SEMA3A: variants seen among roughly 807,000 people sequenced by gnomAD.
SEMA3A encodes semaphorin-3A.
In SEMA3A, 29 loss-of-function variants were observed where a neutral mutation model predicts 97.9. That is an observed-to-expected ratio of 0.30 (90% CI 0.22 to 0.40). SEMA3A has a LOEUF of 0.40. Ranked by LOEUF, SEMA3A falls within the 10% of genes least tolerant of loss-of-function variation. The probability of loss-of-function intolerance (pLI) is 1.00; values close to 1 mark genes in which losing one functional copy is unlikely to be tolerated. For missense variants in SEMA3A, 763 were observed against 951.3 expected (o/e 0.80, Z 2.60); for synonymous variants, 321 against 323.7 (o/e 0.99, Z 0.09).
Position 83,957,401 on chromosome 7 carries a change from T to G in SEMA3A, c.*3970A>C, listed in dbSNP as rs558457836. ...TATCAGTGGAATTTACTTGAACGTG[T>G]AGGAAGCTGGTTCTAAAAGGCAAAG... On this transcript the variant is annotated 3_prime_UTR_variant, in exon 17 of 17. Transcript: ENST00000265362. The G allele has an allele frequency of 1.3e-5, 2 of 152,250 alleles. No individual in the cohort carries two copies. Among genetic ancestry groups the G allele is most frequent in the Admixed American group, 1.3e-4 (2 of 15,284 alleles). 9.4% of individuals were successfully genotyped at this position (152,250 alleles called of 1,614,324 possible). A position where few individuals can be genotyped will look rare whatever the true frequency, so the allele number is the denominator to read the frequency against.
At chr7:84,148,973 G>A (rs549716522) in intron 1 of SEMA3A, among the ~76,000 whole-genome samples, 2 of 152,256 alleles carry the variant, frequency 1.3e-5, no homozygotes, top group Non-Finnish European at 2.9e-5. Context: ...ACAGAAGGCT[G>A]TTAGTAGTTA....
intron 3 of SEMA3A, among the ~76,000 whole-genome samples, chr7:84,257,462 T>C (rs980775550): frequency 3.3e-5 from 5 of 152,260 alleles, no homozygotes; most frequent in Non-Finnish European, 1.5e-5. Context: ...TAATTTTCTT[T>C]GGTATATATT....
chr7:84,429,064 A>C (rs1045175421), intron 1 of SEMA3A, among the ~76,000 whole-genome samples: 6 of 152,052 alleles, frequency 3.9e-5, no homozygotes, highest in Non-Finnish European at 8.8e-5. Context: ...TCCAACACAA[A>C]AGGAAGTCAT....
chr7:84,449,654 T>C (rs1326847334), intron 1 of SEMA3A, among the ~76,000 whole-genome samples: 1 of 152,142 alleles, frequency 6.6e-6, no homozygotes, highest in Non-Finnish European at 1.5e-5. Flanking sequence ...GACAATAATA[T>C]ACTCAAATAT....
At chr7:83,995,091 C>A (rs529564894) in intron 12 of SEMA3A, among the ~76,000 whole-genome samples, 1 of 152,132 alleles carries the variant, frequency 6.6e-6, no homozygotes, top group Admixed American at 6.5e-5. Flanking sequence ...AGGTGCCATC[C>A]GTCACCCCTT....
At chr7:84,152,878 C>T (rs1207046583) in intron 1 of SEMA3A, among the ~76,000 whole-genome samples, 2 of 151,540 alleles carry the variant, frequency 1.3e-5, no homozygotes, top group South Asian at 2.1e-4. Context: ...TGCATTTAAA[C>T]GTAAAAAAGT....
chr7:83,979,634 A>G (rs1789311332), intron 14 of SEMA3A, among the ~76,000 whole-genome samples: 1 of 152,212 alleles, frequency 6.6e-6, no homozygotes, highest in African/African-American at 2.4e-5. Context: ...GACAAAATGA[A>G]TGGTTATATA....
intron 3 of SEMA3A, among the ~76,000 whole-genome samples, chr7:84,297,267 G>A (rs543153333): frequency 7.9e-5 from 12 of 152,218 alleles, no homozygotes; most frequent in African/African-American, 1.7e-4. Flanking sequence ...GTGAGCCACC[G>A]TGCCCAGCCG....
At chr7:84,092,950 CA>C (rs554576113) in intron 4 of SEMA3A, among the ~76,000 whole-genome samples, 8 of 149,460 alleles carry the variant, frequency 5.4e-5, no homozygotes, top group African/African-American at 9.9e-5. Context: ...TAATACCAAC[CA>C]AAAAAAAATC....
At chr7:84,478,490 TA>T (rs1436605432) in intron 1 of SEMA3A, among the ~76,000 whole-genome samples, 1 of 152,146 alleles carries the variant, frequency 6.6e-6, no homozygotes, top group Admixed American at 6.6e-5. Flanking sequence ...AAAACCATGA[TA>T]TAAAAAATAC....
intron 1 of SEMA3A, among the ~76,000 whole-genome samples, chr7:84,467,519 TC>T (rs1305394334): frequency 4.1e-5 from 4 of 98,044 alleles, no homozygotes; most frequent in African/African-American, 1.9e-4. Context: ...AGAGCGAGAC[TC>T]CTTCTAAAAA....
In SEMA3A at chr7:84,166,334, G is replaced by A. The variant is rs532442277; in HGVS notation, c.112+28141C>T. On this transcript the variant is annotated intron_variant, in intron 1 of 16. Coordinates refer to ENST00000265362, the MANE Select transcript of SEMA3A (RefSeq NM_006080.3). ...CACACCTGTAATCCCAGCACTTTGG[G>A]AGGCTGAGGCAGGCAGATCAGGAGG... Among the ~76,000 whole-genome samples the A allele has an allele frequency of 9.9e-5, 15 of 151,608 alleles. No homozygotes were observed. In the South Asian group the frequency reaches 2.7e-3, roughly 27 times the overall value.
chr7:84,169,276 A>G (rs1280562565), intron 1 of SEMA3A, among the ~76,000 whole-genome samples: 1 of 151,422 alleles, frequency 6.6e-6, no homozygotes, highest in Non-Finnish European at 1.5e-5. Context: ...TGGGCCATAA[A>G]CCTATCTCTC....
intron 1 of SEMA3A, among the ~76,000 whole-genome samples, chr7:84,180,171 C>G: frequency 6.6e-6 from 1 of 150,702 alleles, no homozygotes; most frequent in Admixed American, 6.6e-5. Flanking sequence ...GTCTCTAACT[C>G]CCGACCTCAG....
intron 2 of SEMA3A, among the ~76,000 whole-genome samples, chr7:84,358,680 A>G (rs1802633375): frequency 6.6e-6 from 1 of 152,046 alleles, no homozygotes; most frequent in Non-Finnish European, 1.5e-5. Flanking sequence ...GAAGGAAGTC[A>G]TTTGTAGCTT....
chr7:84,240,424 G>C (rs539890306), intron 3 of SEMA3A, among the ~76,000 whole-genome samples: 2 of 152,014 alleles, frequency 1.3e-5, no homozygotes, highest in Non-Finnish European at 2.9e-5. Flanking sequence ...AGAGAGGGCG[G>C]GGGGATTGGG....
At chr7:84,202,265 T>C (rs1448097374) in intron 3 of SEMA3A, among the ~76,000 whole-genome samples, 1 of 152,196 alleles carries the variant, frequency 6.6e-6, no homozygotes, top group East Asian at 1.9e-4. Context: ...AGGAAATGCA[T>C]ATGCTAATTA....
intron 3 of SEMA3A, among the ~76,000 whole-genome samples, chr7:84,232,446 C>T (rs1460705384): frequency 6.6e-6 from 1 of 150,982 alleles, no homozygotes; most frequent in Non-Finnish European, 1.5e-5. Flanking sequence ...CTCTCTCCCT[C>T]TCTCTCTGTC....
intron 1 of SEMA3A, among the ~76,000 whole-genome samples, chr7:84,186,958 A>T (rs1252006536): frequency 6.6e-6 from 1 of 152,112 alleles, no homozygotes; most frequent in African/African-American, 2.4e-5. Flanking sequence ...TTCCTATCAC[A>T]TCTACTCTCT....
Sources: gnomAD v4.1 joint callset for allele counts (sites outside exome capture counted in the v4.1 genomes callset) on GRCh38, gnomAD v4.1.1 for gene constraint, MANE v1.5 for transcripts, NCBI Gene and HGNC (gene_info 2026-07-23, HGNC 2026-07-21) for gene names.